The following ERICH1 variants were observed in gnomAD, a reference collection of about 807,000 sequenced individuals.
The protein encoded by ERICH1 is glutamate rich 1, also known as glutamate-rich protein 1.
In ERICH1, 56 loss-of-function variants were observed where a neutral mutation model predicts 39.6. The ratio of observed to expected loss-of-function variants is 1.41; its 90% CI spans 1.14 to 1.77. ERICH1 has a LOEUF of 1.77. ERICH1 is among the 40% of genes most tolerant of loss of function. The pLI is 0.00. For synonymous variants in ERICH1, 313 were observed against 223.6 expected, an observed-to-expected ratio of 1.40 and a Z score of -3.57; for missense variants, 826 against 575.4, an observed-to-expected ratio of 1.44 and a Z score of -4.45.
intron 3 of ERICH1, 78 bp downstream of exon 3, chr8:692,400 G>T (rs1211536592): frequency 1.3e-6 from 2 of 1,599,930 alleles, no homozygotes; most frequent in Admixed American, 1.7e-5. Flanking sequence ...TTAGATAAAG[G>T]TATTACAATA....
chr8:673,484 C>T lies in ERICH1; in HGVS notation c.868G>A (p.Gly290Ser), dbSNP rs754545782. Reference protein sequence around the residue: ...EDLTRAGEEDGKDTREEDGAD... With the variant: ...EDLTRAGEEDSKDTREEDGAD... ...CCGTCCTCCTCCCTGGTGTCTTTAC[C>T]GTCTTCCTCCCCGGCCCGTGTCAGG... Residue 290 changes from glycine to serine, a missense_variant, in exon 4 of 6, where the codon GGT becomes AGT. Coordinates refer to ENST00000262109, the MANE Select transcript of ERICH1 (RefSeq NM_207332.3). 1.3e-5 allele frequency: 21 copies of T among 1,612,750 alleles called. No individual in the cohort carries two copies. Among genetic ancestry groups the T allele is most frequent in the African/African-American group, 4.0e-5 (3 of 74,516 alleles).
intron 3 of ERICH1, among the ~76,000 whole-genome samples, chr8:680,445 G>GA (rs1194859515): frequency 1.4e-5 from 2 of 146,332 alleles, no homozygotes; most frequent in Non-Finnish European, 3.0e-5. Flanking sequence ...TGAAAACACA[G>GA]AAAGTCCAAG....
In ERICH1 at chr8:655,998, C is replaced by T. The variant is rs1273603477; in HGVS notation, c.976+12600G>A. 3.3e-5 allele frequency among the ~76,000 whole-genome samples: 5 copies of T among 152,076 alleles called. No homozygotes were observed. In the East Asian group the frequency reaches 9.7e-4, roughly 29 times the overall value. Reference sequence around the variant, plus strand: ...CACCAGGGGCTCCCTCTTCAGCCTCCGCAGATGCTGCTGCAGGGCTGTCTC... The same window carrying T: ...CACCAGGGGCTCCCTCTTCAGCCTCTGCAGATGCTGCTGCAGGGCTGTCTC... On this transcript the variant is annotated intron_variant, in intron 3 of 3. Transcript: ENST00000522706.
chr8:700,991 A>C (rs1279546973), intron 2 of ERICH1, among the ~76,000 whole-genome samples: 1 of 152,280 alleles, frequency 6.6e-6, no homozygotes, highest in Non-Finnish European at 1.5e-5. Context: ...GCAGGTGCCA[A>C]CCACGCTGCG....
chr8:717,129 C>T (rs956891106), intron 1 of ERICH1, among the ~76,000 whole-genome samples: 2 of 152,142 alleles, frequency 1.3e-5, no homozygotes, highest in African/African-American at 2.4e-5. Context: ...TCCACCTCCG[C>T]GGCTCCCAGA....
chr8:710,625 A>G (rs1166052386), intron 2 of ERICH1, among the ~76,000 whole-genome samples: 1 of 152,240 alleles, frequency 6.6e-6, no homozygotes, highest in African/African-American at 2.4e-5. Flanking sequence ...TGGAATTGCA[A>G]TGTGTAGCCT....
At chr8:650,083 G>T (rs1232741044) in intron 3 of ERICH1, among the ~76,000 whole-genome samples, 4 of 152,228 alleles carry the variant, frequency 2.6e-5, no homozygotes, top group Non-Finnish European at 5.9e-5. Context: ...CGGTTCAGAA[G>T]AACAAGGCCG....
intron 2 of ERICH1, among the ~76,000 whole-genome samples, chr8:702,621 G>A (rs746381635): frequency 1.3e-5 from 2 of 152,240 alleles, no homozygotes; most frequent in Admixed American, 6.5e-5. Context: ...GGCCGACAGT[G>A]CGCCACGTGC....
chr8:637,154 C>T (rs1401193969), intron 3 of ERICH1, among the ~76,000 whole-genome samples: 1 of 152,234 alleles, frequency 6.6e-6, no homozygotes, highest in Non-Finnish European at 1.5e-5. Flanking sequence ...TCTCTGGGCC[C>T]ATCGGGGCTG....
intron 3 of ERICH1, among the ~76,000 whole-genome samples, chr8:630,820 G>C (rs538555291): frequency 1.4e-4 from 20 of 141,526 alleles, no homozygotes; most frequent in African/African-American, 5.4e-4. Context: ...CACACAGACA[G>C]AGCTGACACA....
intron 3 of ERICH1, among the ~76,000 whole-genome samples, chr8:690,504 A>G (rs1808659427): frequency 6.6e-6 from 1 of 152,250 alleles, no homozygotes; most frequent in South Asian, 2.1e-4. Context: ...CGGCAGACCC[A>G]AGGGCGCAGC....
intron 2 of ERICH1, among the ~76,000 whole-genome samples, chr8:702,236 G>C (rs185845325): frequency 6.6e-6 from 1 of 152,302 alleles, no homozygotes; most frequent in East Asian, 1.9e-4. Flanking sequence ...GTCCAGTTTT[G>C]TTAGCTTGGT....
intron 3 of ERICH1, among the ~76,000 whole-genome samples, chr8:619,520 A>G (rs1660358320): frequency 6.6e-6 from 1 of 152,242 alleles, no homozygotes; most frequent in African/African-American, 2.4e-5. Context: ...CTGGAGAGAA[A>G]GCAATGACAT....
rs76789413 is a variant in ERICH1, at chr8:723,526, A to G, written c.23-7519T>C. Among the ~76,000 whole-genome samples, 707 of 152,326 alleles carry G rather than the reference A, an allele frequency of 4.6e-3. 9 individuals are homozygous for G. Among genetic ancestry groups the G allele is most frequent in the African/African-American group, 0.016 (677 of 41,572 alleles). On this transcript the variant is annotated intron_variant, in intron 1 of 5. Transcript: ENST00000262109. Reference sequence around the variant, plus strand: ...TGTCATATTAGAGAAATCTCTCAAAACATTTCCACTAAAACCACAAAACAC... The same window carrying G: ...TGTCATATTAGAGAAATCTCTCAAAGCATTTCCACTAAAACCACAAAACAC...
intron 2 of ERICH1, among the ~76,000 whole-genome samples, chr8:706,153 G>C (rs1813227554): frequency 6.6e-6 from 1 of 152,204 alleles, no homozygotes; most frequent in Non-Finnish European, 1.5e-5. Context: ...GTGTGTGTAA[G>C]CGCACTTTGC....
chr8:642,556 G>A (rs548857389), intron 3 of ERICH1, among the ~76,000 whole-genome samples: 4 of 151,910 alleles, frequency 2.6e-5, no homozygotes, highest in African/African-American at 4.8e-5. Context: ...GTGTTAGCCA[G>A]GATGGTCTCG....
chr8:682,267 C>G lies in ERICH1; in HGVS notation c.305-8220G>C, dbSNP rs920171590. Among the ~76,000 whole-genome samples, 11 of 152,304 alleles carry G rather than the reference C, an allele frequency of 7.2e-5. No homozygotes were observed. In the East Asian group the frequency reaches 1.9e-3, roughly 27 times the overall value. On this transcript the variant is annotated intron_variant, in intron 3 of 5. Transcript: ENST00000262109. ...CATCTGAGGGGTCTGCCAAGCATCCCATTCTCAGCTTTAGTGAGGAACACA... is the reference window on the plus strand; with the variant it reads ...CATCTGAGGGGTCTGCCAAGCATCCGATTCTCAGCTTTAGTGAGGAACACA...
rs577286753 is a variant in ERICH1 at position 639,486 on chromosome 8, A to G, written c.977-24202T>C. Among the ~76,000 whole-genome samples the G allele has an allele frequency of 2.6e-5, 4 of 152,362 alleles. No individual in the cohort carries two copies. In the South Asian group the frequency reaches 8.3e-4, roughly 32 times the overall value. ...TGGGCTGTCACTCTGGGCAAACCAC[A>G]AAATATCAAAGAGCCGGTCTGTCAT... On this transcript the variant is annotated intron_variant, in intron 3 of 3. Coordinates refer to the ERICH1 transcript ENST00000522706.
intron 1 of ERICH1, among the ~76,000 whole-genome samples, chr8:718,186 G>A (rs1035393544): frequency 1.3e-5 from 2 of 151,272 alleles, no homozygotes; most frequent in Non-Finnish European, 1.5e-5. Flanking sequence ...AACACACCAG[G>A]GTACAGATTG....
Sources: gnomAD v4.1 joint callset for allele counts (sites outside exome capture counted in the v4.1 genomes callset) on GRCh38, gnomAD v4.1.1 for gene constraint, MANE v1.5 for transcripts, NCBI Gene and HGNC (gene_info 2026-07-23, HGNC 2026-07-21) for gene names.